The following OPHN1 variants were observed in gnomAD, a reference collection of about 807,000 sequenced individuals.
OPHN1 encodes the protein oligophrenin-1.
OPHN1 carries 11 observed loss-of-function variants against 60.7 expected under a neutral mutation model. That is an observed-to-expected ratio of 0.18 (90% CI 0.11 to 0.30). The LOEUF (loss-of-function observed/expected upper bound fraction) is 0.30. Ranked by LOEUF, OPHN1 falls within the 10% of genes least tolerant of loss-of-function variation. OPHN1 has a pLI of 1.00. For missense variants in OPHN1, 449 were observed against 611.0 expected (o/e 0.73, Z 2.80); for synonymous variants, 226 against 222.6 (o/e 1.02, Z -0.14).
At chrX:68,113,126 C>A (rs2077111948) in intron 17 of OPHN1, 55 bp downstream of exon 17, 1 of 1,026,876 alleles carries the variant, frequency 9.7e-7, no homozygotes, top group Non-Finnish European at 1.4e-6. Context: ...AGGCTTATTG[C>A]AGTAAACATT....
At chrX:68,353,267 T>A (rs1209525918) in intron 2 of OPHN1, among the ~76,000 whole-genome samples, 1 of 108,999 alleles carries the variant, frequency 9.2e-6, no homozygotes, top group Non-Finnish European at 1.9e-5. Context: ...AAAATTCACC[T>A]ATTTAAAGTG....
At chrX:68,255,636 C>A (rs1457142409) in intron 5 of OPHN1, among the ~76,000 whole-genome samples, 1 of 110,300 alleles carries the variant, frequency 9.1e-6, no homozygotes, top group African/African-American at 3.3e-5. Context: ...CCCTGAGTCT[C>A]CATCTTGCCA....
intron 15 of OPHN1, 43 bp downstream of exon 15, chrX:68,192,876 C>T: frequency 1.0e-6 from 1 of 996,805 alleles, no homozygotes; most frequent in Non-Finnish European, 1.4e-6. Context: ...CTTTGTAACA[C>T]ATAAAGTACT....
At chrX:68,406,576 C>T (rs990168914) in intron 2 of OPHN1, among the ~76,000 whole-genome samples, 14 of 110,602 alleles carry the variant, frequency 1.3e-4, no homozygotes, top group African/African-American at 4.3e-4. Flanking sequence ...CACACCACTG[C>T]GCTCCAGCCT....
At chrX:68,059,533 A>T (rs1253264389) in intron 21 of OPHN1, among the ~76,000 whole-genome samples, 1 of 112,281 alleles carries the variant, frequency 8.9e-6, no homozygotes, top group East Asian at 2.8e-4. Context: ...AGTAGAGAAT[A>T]AAAACCAAAC....
chrX:68,210,059 A>G, intron 9 of OPHN1, 94 bp downstream of exon 9: 1 of 962,965 alleles, frequency 1.0e-6, no homozygotes, highest in Non-Finnish European at 1.5e-6. Context: ...TCAGGGGTCT[A>G]TGAACAGTAA....
At chrX:68,237,750 G>A (rs2077759751) in intron 5 of OPHN1, among the ~76,000 whole-genome samples, 1 of 111,033 alleles carries the variant, frequency 9.0e-6, no homozygotes, top group East Asian at 2.8e-4. Flanking sequence ...TCCTTCATTA[G>A]TTCTGTGTGT....
chrX:68,225,253 C>A (rs2077684830), intron 6 of OPHN1, among the ~76,000 whole-genome samples: 1 of 112,084 alleles, frequency 8.9e-6, no homozygotes, highest in Non-Finnish European at 1.9e-5. Context: ...CCCACCACAG[C>A]TCAAGGAGAC....
intron 15 of OPHN1, among the ~76,000 whole-genome samples, chrX:68,183,069 C>T (rs1182495395): frequency 6.3e-5 from 7 of 111,795 alleles, no homozygotes; most frequent in Non-Finnish European, 1.1e-4. Context: ...TACAAAGGCC[C>T]ATAATAACAC....
chrX:68,226,409 A>G (rs1052689998), intron 6 of OPHN1, among the ~76,000 whole-genome samples: 3 of 110,794 alleles, frequency 2.7e-5, no homozygotes, highest in Non-Finnish European at 5.7e-5. Flanking sequence ...GAGAAGAGCA[A>G]CTCCAAGACA....
intron 2 of OPHN1, among the ~76,000 whole-genome samples, chrX:68,355,692 C>G (rs1250094695): frequency 9.0e-6 from 1 of 111,527 alleles, no homozygotes; most frequent in Non-Finnish European, 1.9e-5. Flanking sequence ...GCATATGCTT[C>G]CAAGAAAGAC....
intron 7 of OPHN1, 67 bp from the exon 8 acceptor site, chrX:68,212,279 G>C: frequency 2.5e-6 from 2 of 789,584 alleles, no homozygotes; most frequent in Non-Finnish European, 3.7e-6. Flanking sequence ...AAAGAAACAT[G>C]AACTCACCAA....
chrX:68,120,915 A>G (rs955497483), intron 15 of OPHN1, among the ~76,000 whole-genome samples: 1 of 112,195 alleles, frequency 8.9e-6, no homozygotes, highest in Admixed American at 9.5e-5. Context: ...TATTCAGTAA[A>G]TGGTGCTGGA....
Position 68,113,210 on chromosome X carries a change from C to G in OPHN1, c.1391G>C (p.Arg464Thr), listed in dbSNP as rs753866423. 1 of 1,208,666 alleles carries G rather than the reference C, an allele frequency of 8.3e-7. No individual in the cohort carries two copies. Among genetic ancestry groups the G allele is most frequent in the Admixed American group, 2.2e-5 (1 of 45,934 alleles). Residue 464 changes from arginine (R) to threonine (T), a missense_variant, in exon 17 of 25, where the codon AGA becomes ACA. Arg to Thr is a moderately conservative substitution (Grantham distance 71). This residue lies in a region of OPHN1 where 166 missense variants were observed against 278.4 expected (regional missense o/e 0.60). Coordinates refer to ENST00000355520, the MANE Select transcript of OPHN1 (RefSeq NM_002547.3). The stretch of plus-strand genomic sequence containing the variant: ...AGCAGAGACCAGCTCTTTGTGAAGT[C>G]TATAGGTCATGACAGGTTCAGAAAG... ...RNLSEPVMTYRLHKELVSAAK... is the reference protein window; with the variant it reads ...RNLSEPVMTYTLHKELVSAAK...
At chrX:68,246,671 G>A (rs763089681) in intron 5 of OPHN1, among the ~76,000 whole-genome samples, 2 of 111,277 alleles carry the variant, frequency 1.8e-5, no homozygotes, top group East Asian at 2.8e-4. Context: ...TGAAATAGGC[G>A]AAAATGGGTG....
chrX:68,182,189 T>TTTG (rs1491153074), intron 15 of OPHN1, among the ~76,000 whole-genome samples: 28 of 3,390 alleles, frequency 8.3e-3, no homozygotes, highest in Non-Finnish European at 0.019. Flanking sequence ...AGCTCTGTAG[T>TTTG]TTTTTTTTTT....
intron 2 of OPHN1, among the ~76,000 whole-genome samples, chrX:68,328,081 G>A (rs1479688292): frequency 6.0e-5 from 6 of 99,555 alleles, no homozygotes; most frequent in Admixed American, 4.4e-4. Flanking sequence ...CACCCGCCTC[G>A]GCCTCCCAAA....
In OPHN1 at chrX:68,137,441, T is replaced by C. The variant is rs1569223141; in HGVS notation, c.1277-18109A>G. 8.9e-5 allele frequency among the ~76,000 whole-genome samples: 10 copies of C among 111,978 alleles called. No homozygotes were observed. The Admixed American group carries it at 9.5e-4, about 11-fold the overall frequency. ...TATTTCTGGCCCAACCTGACATTGA[T>C]GGATAAAATATATTAGCCAAGAGAA... On this transcript the variant is annotated intron_variant, in intron 15 of 24. Coordinates refer to ENST00000355520, the MANE Select transcript of OPHN1 (RefSeq NM_002547.3).
chrX:68,222,477 C>G (rs1203254684), intron 6 of OPHN1, among the ~76,000 whole-genome samples: 1 of 103,325 alleles, frequency 9.7e-6, no homozygotes, highest in Admixed American at 1.1e-4. Context: ...GACACATGCA[C>G]ACGTATGTTT....
Sources: allele counts gnomAD v4.1 joint callset (sites outside exome capture counted in the v4.1 genomes callset), GRCh38; gene constraint gnomAD v4.1.1; regional missense constraint gnomAD v4.1.1; transcripts MANE v1.5; gene names NCBI Gene and HGNC (gene_info 2026-07-23, HGNC 2026-07-21).